Variants in RBM38 observed in about 807,000 individuals in gnomAD.
RBM38 encodes RNA binding motif protein 38.
In RBM38, 11 loss-of-function variants were observed where a neutral mutation model predicts 23.5. That is an observed-to-expected ratio of 0.47 (90% CI 0.29 to 0.77). The LOEUF (loss-of-function observed/expected upper bound fraction) is 0.77. Among genes scored for constraint, RBM38 ranks in the 30% least tolerant of loss-of-function variants. The pLI is 0.08. For synonymous variants in RBM38, 165 were observed against 166.1 expected (o/e 0.99, Z 0.05); for missense variants, 330 against 351.9 (o/e 0.94, Z 0.50).
rs895875175 is a variant in RBM38, at chr20:57,408,182, A to G, written c.*336A>G. 2 of 414,962 alleles carry G rather than the reference A, an allele frequency of 4.8e-6. No homozygotes were observed. The highest frequency in any genetic ancestry group is 4.0e-5 in the African/African-American group (2 of 49,624). 25.7% of individuals were successfully genotyped at this position (414,962 alleles called of 1,614,324 possible). A position where few individuals can be genotyped will look rare whatever the true frequency, so the allele number is the denominator to read the frequency against. On this transcript the variant is annotated 3_prime_UTR_variant, in exon 4 of 4. Transcript: ENST00000356208. ...CAGGTTCCCTCAGGCTTGTGTCCCCACTGCTGCATCGTGGCGGGGTGTCAC... is the reference window on the plus strand; with the variant it reads ...CAGGTTCCCTCAGGCTTGTGTCCCCGCTGCTGCATCGTGGCGGGGTGTCAC...
At chr20:57,392,018 A>ACCCCCCCAGGCCCCGG (rs1568804238) in intron 1 of RBM38, among the ~76,000 whole-genome samples, 200 bp downstream of exon 1, 7 of 48,182 alleles carry the variant, frequency 1.5e-4, no homozygotes, top group African/African-American at 2.4e-4. Context: ...CCCGGCCCCC[A>ACCCCCCCAGGCCCCGG]CCCCCACCCC....
At chr20:57,404,166 C>G (rs2067357706) in intron 3 of RBM38, among the ~76,000 whole-genome samples, 1 of 152,198 alleles carries the variant, frequency 6.6e-6, no homozygotes, top group African/African-American at 2.4e-5. Flanking sequence ...AATGACGCAG[C>G]CCTCGAGGTG....
At chr20:57,393,211 C>A in intron 2 of RBM38, 68 bp from the exon 3 acceptor site, 1 of 1,469,476 alleles carries the variant, frequency 6.8e-7, no homozygotes. Flanking sequence ...ATTCTGCCAC[C>A]CTGTGTGCAG....
intron 1 of RBM38, chr20:57,392,363 C>T (rs893397262): frequency 2.8e-6 from 4 of 1,445,562 alleles, no homozygotes; most frequent in Admixed American, 4.1e-5. Flanking sequence ...CCCCCAAGCT[C>T]CCTTCGGGGT....
chr20:57,391,534 G>C lies in RBM38; in HGVS notation c.-48G>C. 3 of 685,740 alleles carry C rather than the reference G, an allele frequency of 4.4e-6. No homozygotes were observed. The highest frequency in any genetic ancestry group is 5.4e-6 in the Non-Finnish European group (3 of 551,424). 42.5% of individuals were successfully genotyped at this position (685,740 alleles called of 1,614,324 possible). On this transcript the variant is annotated 5_prime_UTR_variant, in exon 1 of 4. An upstream start codon of the reference 5' UTR is lost. Coordinates refer to ENST00000356208, the MANE Select transcript of RBM38 (RefSeq NM_017495.6). ...CCGCGCGCTCCCCGCCGCCCCCCATGAGCGCAGCCCCGCGCGGCCCGGGTC... is the reference window on the plus strand; with the variant it reads ...CCGCGCGCTCCCCGCCGCCCCCCATCAGCGCAGCCCCGCGCGGCCCGGGTC...
chr20:57,402,850 C>G (rs1162491779), intron 3 of RBM38, among the ~76,000 whole-genome samples: 1 of 152,264 alleles, frequency 6.6e-6, no homozygotes, highest in Non-Finnish European at 1.5e-5. Flanking sequence ...TTGCTCCCAC[C>G]TGCCTTCTTT....
intron 3 of RBM38, among the ~76,000 whole-genome samples, chr20:57,394,803 G>A (rs2067257818): frequency 6.6e-6 from 1 of 152,198 alleles, no homozygotes; most frequent in Non-Finnish European, 1.5e-5. Context: ...CAGGCGCCTG[G>A]GGGCATGGAC....
intron 2 of RBM38, chr20:57,393,021 G>A (rs542192709): frequency 1.2e-5 from 8 of 664,584 alleles, no homozygotes; most frequent in African/African-American, 3.6e-5. Context: ...AGCTGTCCTC[G>A]CAGGAGGGAG....
chr20:57,402,570 G>A (rs1014663573), intron 3 of RBM38, among the ~76,000 whole-genome samples: 17 of 152,320 alleles, frequency 1.1e-4, no homozygotes, highest in African/African-American at 3.4e-4. Context: ...TGGGTGGGGC[G>A]GCGTGCAGCT....
Position 57,393,429 on chromosome 20 carries a change from G to A in RBM38, c.416+96G>A, listed in dbSNP as rs570683042. ...GGTCTGGAAGGCTGGGGAAATGACA[G>A]TTTTCAGACATTTGATTGCGTTTAA... On this transcript the variant is annotated intron_variant, in intron 3 of 3. Coordinates refer to ENST00000356208, the MANE Select transcript of RBM38 (RefSeq NM_017495.6). 10 of 1,309,174 alleles carry A rather than the reference G, an allele frequency of 7.6e-6. 1 individual carries two copies. In the Middle Eastern group the frequency reaches 7.3e-4, roughly 96 times the overall value. 81.1% of individuals were successfully genotyped at this position (1,309,174 alleles called of 1,614,324 possible). A position where few individuals can be genotyped will look rare whatever the true frequency, so the allele number is the denominator to read the frequency against.
chr20:57,406,974 A>G (rs1449453773), intron 3 of RBM38, among the ~76,000 whole-genome samples: 2 of 149,822 alleles, frequency 1.3e-5, no homozygotes, highest in Non-Finnish European at 3.0e-5. Flanking sequence ...AGCCTGGGGA[A>G]CAGAGCGAGA....
intron 3 of RBM38, among the ~76,000 whole-genome samples, chr20:57,399,639 G>GC (rs907064120): frequency 1.3e-5 from 2 of 152,200 alleles, no homozygotes; most frequent in African/African-American, 4.8e-5. Flanking sequence ...GCCTGGCATT[G>GC]CCCCACAGAG....
chr20:57,403,409 T>C (rs2067349473), intron 3 of RBM38, among the ~76,000 whole-genome samples: 1 of 152,218 alleles, frequency 6.6e-6, no homozygotes, highest in Admixed American at 6.5e-5. Context: ...TCAGCCGGTG[T>C]TCTCACTCCC....
chr20:57,392,183 C>G, intron 1 of RBM38: 1 of 320,808 alleles, frequency 3.1e-6, no homozygotes, highest in South Asian at 2.4e-5. Flanking sequence ...GTGTTAGGAG[C>G]TCTTCGGCCT....
rs1199487863 is a variant in RBM38, at chr20:57,407,476, C to G, written c.417-67C>G. 6.5e-7 allele frequency: 1 copy of G among 1,534,824 alleles called. No homozygotes were observed. The highest frequency in any genetic ancestry group is 8.9e-7 in the Non-Finnish European group (1 of 1,125,610). On this transcript the variant is annotated intron_variant, in intron 3 of 3. Transcript: ENST00000356208. This position sits in a 1 kb window ranked among gnomAD's most constrained non-coding sequence, Gnocchi z 4.0. ...TGGGGGGCGGCACGCATCGTGTACCCCACTGTTCTCCCAGCTGTATTCCCC... is the reference window on the plus strand; with the variant it reads ...TGGGGGGCGGCACGCATCGTGTACCGCACTGTTCTCCCAGCTGTATTCCCC...
intron 3 of RBM38, among the ~76,000 whole-genome samples, chr20:57,401,245 C>G (rs901819589): frequency 1.3e-5 from 2 of 152,210 alleles, no homozygotes; most frequent in African/African-American, 4.8e-5. Flanking sequence ...AGCAATAGAT[C>G]CTCACAGCAG....
In RBM38 at chr20:57,403,111, G is replaced by A. The variant is rs139777608; in HGVS notation, c.417-4432G>A. ...CCGCACCTCATATTCCTAGTTGTCAGTTGTGACAACTAGGACCGTCCCTAG... is the reference window on the plus strand; with the variant it reads ...CCGCACCTCATATTCCTAGTTGTCAATTGTGACAACTAGGACCGTCCCTAG... On this transcript the variant is annotated intron_variant, in intron 3 of 3. Coordinates refer to ENST00000356208, the MANE Select transcript of RBM38 (RefSeq NM_017495.6). Among the ~76,000 whole-genome samples, 288 of 152,298 alleles carry A rather than the reference G, an allele frequency of 1.9e-3. 3 individuals are homozygous for A. Among genetic ancestry groups the A allele is most frequent in the African/African-American group, 6.5e-3 (271 of 41,570 alleles).
Position 57,407,701 on chromosome 20 carries a change from A to ACGC in RBM38, c.580_582dup (p.Ala194dup). On this transcript the variant is annotated inframe_insertion, in exon 4 of 4. Coordinates refer to ENST00000356208, the MANE Select transcript of RBM38 (RefSeq NM_017495.6). The surrounding 1 kb of genome is among the most constrained non-coding windows in gnomAD (Gnocchi z 4.0). ...CCGGCCACCTATGACCAGTACCCAT[A>ACGC]CGCCGCCTCGCCTGCCACGGCTGCC... The ACGC allele has an allele frequency of 6.2e-7, 1 of 1,612,246 alleles. No individual in the cohort carries two copies. Among genetic ancestry groups the ACGC allele is most frequent in the Non-Finnish European group, 8.5e-7 (1 of 1,179,752 alleles).
intron 3 of RBM38, among the ~76,000 whole-genome samples, chr20:57,399,036 G>A (rs918493309): frequency 3.3e-5 from 5 of 152,190 alleles, no homozygotes; most frequent in African/African-American, 7.2e-5. Flanking sequence ...GGGGAGACCC[G>A]GTCCCAGCTC....
Sources: allele counts gnomAD v4.1 joint callset (sites outside exome capture counted in the v4.1 genomes callset), GRCh38; gene constraint gnomAD v4.1.1; non-coding constraint Gnocchi (gnomAD v3.1); transcripts MANE v1.5; gene names NCBI Gene and HGNC (gene_info 2026-07-23, HGNC 2026-07-21).